The following TCAIM variants were observed in gnomAD, a reference collection of about 807,000 sequenced individuals.
TCAIM encodes the protein T cell activation inhibitor, mitochondrial.
In TCAIM, 36 loss-of-function variants were observed where a neutral mutation model predicts 58.6. The observed-to-expected ratio is 0.61, with a 90% CI of 0.47 to 0.81. The LOEUF is 0.81. Among genes scored for constraint, TCAIM ranks in the 30% least tolerant of loss-of-function variants. The pLI is 0.00. For synonymous variants in TCAIM, 172 were observed against 193.6 expected, an observed-to-expected ratio of 0.89 and a Z score of 0.93; for missense variants, 466 against 579.6, an observed-to-expected ratio of 0.80 and a Z score of 2.01.
chr3:44,356,731 T>C lies in TCAIM; in HGVS notation c.30-1010T>C, dbSNP rs1013295411. Among the ~76,000 whole-genome samples, 4 of 150,214 alleles carry C rather than the reference T, an allele frequency of 2.7e-5. No individual in the cohort carries two copies. In the Admixed American group the frequency reaches 2.7e-4, roughly 10 times the overall value. The stretch of plus-strand genomic sequence containing the variant: ...CTGCAATCCCAGTACTTTGGGAGGC[T>C]GAGGCGGGTGGATTACCTGAGGTCA... On this transcript the variant is annotated intron_variant, in intron 2 of 10. Coordinates refer to ENST00000342649, the MANE Select transcript of TCAIM (RefSeq NM_173826.4).
chr3:44,400,918 G>T, intron 9 of TCAIM: 1 of 482,902 alleles, frequency 2.1e-6, no homozygotes, highest in South Asian at 2.3e-5. Flanking sequence ...CACTGTGCTG[G>T]GTACTTATAT....
At chr3:44,386,209 C>CAA (rs10576012) in intron 5 of TCAIM, among the ~76,000 whole-genome samples, 7,977 of 52,870 alleles carry the variant, frequency 0.15, 362 homozygotes, top group Non-Finnish European at 0.17. Context: ...CCAGAAGCTC[C>CAA]AAAAAAAAAA....
intron 5 of TCAIM, among the ~76,000 whole-genome samples, chr3:44,388,030 A>G (rs997007021): frequency 6.6e-6 from 1 of 151,768 alleles, no homozygotes. Context: ...CTATATATAT[A>G]TATTTAAATA....
At chr3:44,381,617 C>T (rs913630007) in intron 5 of TCAIM, among the ~76,000 whole-genome samples, 1 of 152,038 alleles carries the variant, frequency 6.6e-6, no homozygotes, top group Admixed American at 6.6e-5. Flanking sequence ...CATCATACTA[C>T]TGGAAGTCTT....
chr3:44,341,465 A>G (rs889368852), intron 1 of TCAIM: 1 of 152,170 alleles, frequency 6.6e-6, no homozygotes, highest in Non-Finnish European at 1.5e-5. Context: ...GTATTTTTCT[A>G]GAGAAAAATT....
At chr3:44,354,854 G>A (rs1244459584) in intron 2 of TCAIM, 43 bp downstream of exon 2, 3 of 1,594,976 alleles carry the variant, frequency 1.9e-6, no homozygotes, top group Admixed American at 1.8e-5. Context: ...TGTGGCGGGG[G>A]GAGGTCTGTT....
In TCAIM at chr3:44,360,466, T is replaced by G. The variant is rs536937729; in HGVS notation, c.166-899T>G. On this transcript the variant is annotated intron_variant, in intron 3 of 10. Coordinates refer to ENST00000342649, the MANE Select transcript of TCAIM (RefSeq NM_173826.4). ...GGTTTTTTAAAAAATCCTCTTTAAT[T>G]TAATTTAAAAATCTGCAAAACATTG... Among the ~76,000 whole-genome samples the G allele has an allele frequency of 4.6e-5, 7 of 152,100 alleles. No individual in the cohort carries two copies. In the South Asian group the frequency reaches 8.3e-4, roughly 18 times the overall value.
chr3:44,390,014 T>C (rs1296397728), intron 5 of TCAIM, among the ~76,000 whole-genome samples: 2 of 152,212 alleles, frequency 1.3e-5, no homozygotes, highest in African/African-American at 4.8e-5. Context: ...ACATACTACC[T>C]GTTCTACAGA....
chr3:44,348,131 G>A (rs1701008281), intron 1 of TCAIM, among the ~76,000 whole-genome samples: 1 of 152,202 alleles, frequency 6.6e-6, no homozygotes, highest in African/African-American at 2.4e-5. Context: ...CAGTTATGGA[G>A]GCAAGGGAAA....
At chr3:44,405,951 CAAAAAAAAAAA>C (rs10579882) in intron 10 of TCAIM, among the ~76,000 whole-genome samples, 3 of 113,040 alleles carry the variant, frequency 2.7e-5, no homozygotes, top group Non-Finnish European at 5.3e-5. Context: ...GACTCCATCT[CAAAAAAAAAAA>C]AAAAAAAAAA....
intron 8 of TCAIM, among the ~76,000 whole-genome samples, chr3:44,398,241 C>T (rs960933559): frequency 1.3e-5 from 2 of 151,844 alleles, no homozygotes; most frequent in Non-Finnish European, 2.9e-5. Context: ...CTGGCAAACA[C>T]AGTAAAACGC....
intron 5 of TCAIM, among the ~76,000 whole-genome samples, chr3:44,386,661 G>T (rs997097838): frequency 6.6e-6 from 1 of 152,250 alleles, no homozygotes; most frequent in Non-Finnish European, 1.5e-5. Flanking sequence ...GCAGAGCCTG[G>T]GCACTGTCAC....
At position 44,379,560 on chromosome 3, in the gene TCAIM, A is replaced by G. The variant is rs976963909; in HGVS notation, c.572+11852A>G. ...TGTGGCCATAAAAAAGAATGAGATC[A>G]TGTCCTTTGCAGGAACATGGATGGA... is the stretch of plus-strand genomic sequence containing the variant. On this transcript the variant is annotated intron_variant, in intron 5 of 10. Transcript: ENST00000342649. 6.6e-5 allele frequency among the ~76,000 whole-genome samples: 10 copies of G among 152,344 alleles called. No individual in the cohort carries two copies. The East Asian group carries it at 9.6e-4, about 15-fold the overall frequency.
intron 4 of TCAIM, among the ~76,000 whole-genome samples, chr3:44,365,192 G>A (rs915915657): frequency 6.6e-6 from 1 of 152,050 alleles, no homozygotes; most frequent in African/African-American, 2.4e-5. Context: ...CTTGCCAGTA[G>A]TTCTAAGTTT....
chr3:44,406,761 A>C (rs542766447), intron 10 of TCAIM, among the ~76,000 whole-genome samples: 2 of 152,276 alleles, frequency 1.3e-5, no homozygotes, highest in Non-Finnish European at 2.9e-5. Context: ...TTGCTGAGTA[A>C]CTCATGTGTT....
intron 5 of TCAIM, among the ~76,000 whole-genome samples, chr3:44,379,318 C>T (rs1045651510): frequency 6.6e-6 from 1 of 152,088 alleles, no homozygotes; most frequent in African/African-American, 2.4e-5. Flanking sequence ...TGTGGCAATT[C>T]CTCAAAGAAC....
intron 5 of TCAIM, among the ~76,000 whole-genome samples, chr3:44,378,335 G>C (rs986366998): frequency 6.6e-6 from 1 of 151,810 alleles, no homozygotes; most frequent in Non-Finnish European, 1.5e-5. Context: ...AGCTGAGATC[G>C]TGCCACTGCA....
At chr3:44,353,632 T>C (rs1356389756) in intron 1 of TCAIM, among the ~76,000 whole-genome samples, 1 of 152,226 alleles carries the variant, frequency 6.6e-6, no homozygotes, top group African/African-American at 2.4e-5. Flanking sequence ...CTAATAGATT[T>C]GCAGTGGCAT....
chr3:44,358,270 G>A (rs747140795), intron 3 of TCAIM: 1 of 1,214,778 alleles, frequency 8.2e-7, no homozygotes, highest in Non-Finnish European at 1.2e-6. Context: ...TATGATGCAT[G>A]CTGCTGGACC....
Sources: allele counts gnomAD v4.1 joint callset (sites outside exome capture counted in the v4.1 genomes callset), GRCh38; gene constraint gnomAD v4.1.1; transcripts MANE v1.5; gene names NCBI Gene and HGNC (gene_info 2026-07-23, HGNC 2026-07-21).